The following HMCN2 variants were observed in gnomAD, a reference collection of about 807,000 sequenced individuals.
HMCN2 encodes hemicentin-2.
HMCN2 carries 325 observed loss-of-function variants against 377.5 expected under a neutral mutation model. The observed-to-expected ratio is 0.86, with a 90% CI of 0.79 to 0.94. The LOEUF (loss-of-function observed/expected upper bound fraction) is 0.94, where lower values mean the gene tolerates loss of function less well. Ranked by LOEUF, HMCN2 falls within the 40% of genes least tolerant of loss-of-function variation. HMCN2 has a pLI of 0.00. For synonymous variants in HMCN2, 2,007 were observed against 2,046.8 expected (o/e 0.98, Z 0.53); for missense variants, 4,543 against 4,725.3 (o/e 0.96, Z 1.13).
Position 130,308,101 on chromosome 9 carries a change from C to T in HMCN2, c.2200+535C>T, listed in dbSNP as rs1378866709. Among the ~76,000 whole-genome samples the T allele has an allele frequency of 2.6e-5, 4 of 151,912 alleles. No individual in the cohort carries two copies. Among genetic ancestry groups the T allele is most frequent in the East Asian group, 1.9e-4 (1 of 5,184 alleles). ...CCTCTGGAGTAGCTGGAATTATAGGCGTGTACCACCAGGCCTGGCTCATTT... is the reference window on the plus strand; with the variant it reads ...CCTCTGGAGTAGCTGGAATTATAGGTGTGTACCACCAGGCCTGGCTCATTT... On this transcript the variant is annotated intron_variant, in intron 14 of 97. Transcript: ENST00000683500. The surrounding 1 kb of genome is among the most constrained non-coding windows in gnomAD (Gnocchi z 4.1).
intron 22 of HMCN2, among the ~76,000 whole-genome samples, chr9:130,333,083 G>T (rs991357590): frequency 2.0e-5 from 3 of 152,186 alleles, no homozygotes; most frequent in Admixed American, 6.5e-5. Context: ...GGAGTGTGTG[G>T]CATGGACAGG....
intron 25 of HMCN2, among the ~76,000 whole-genome samples, chr9:130,346,616 G>A (rs1397438410): frequency 3.3e-5 from 5 of 152,148 alleles, no homozygotes; most frequent in African/African-American, 1.2e-4. Flanking sequence ...GCACAACGCA[G>A]GGTGCTGGAG....
intron 54 of HMCN2, among the ~76,000 whole-genome samples, chr9:130,380,009 G>A (rs978869045): frequency 6.6e-6 from 1 of 152,174 alleles, no homozygotes; most frequent in African/African-American, 2.4e-5. Flanking sequence ...CCAAGTAGCT[G>A]GGATTACAGG....
At chr9:130,418,442 G>A (rs1262622223) in intron 85 of HMCN2, among the ~76,000 whole-genome samples, 4 of 152,112 alleles carry the variant, frequency 2.6e-5, no homozygotes, top group Non-Finnish European at 5.9e-5. Flanking sequence ...GCGCTCTTGG[G>A]AGGCTGAGAT....
chr9:130,341,771 C>A, intron 24 of HMCN2, among the ~76,000 whole-genome samples: 1 of 152,206 alleles, frequency 6.6e-6, no homozygotes, highest in East Asian at 1.9e-4. Context: ...TTCTCACCTG[C>A]AAAGTGGGTC....
intron 32 of HMCN2, 128 bp from the exon 33 acceptor site, chr9:130,355,618 G>A: frequency 2.1e-6 from 1 of 486,732 alleles, no homozygotes; most frequent in Non-Finnish European, 3.9e-6. Context: ...CTGGAGGAAG[G>A]GCCACTGATA....
In HMCN2 at chr9:130,433,524, A is replaced by G; in HGVS notation, c.15071A>G (p.Asp5024Gly). Residue 5024 changes from aspartate (D) to glycine (G), a missense_variant, in exon 98 of 98, where the codon GAC becomes GGC. Asp to Gly is a moderately conservative substitution (Grantham distance 94). Around this residue, in one of 5 missense-constraint regions of HMCN2, gnomAD observed 1,155 missense variants for 1,157.7 expected, o/e 1.00. Coordinates refer to ENST00000683500, the MANE Select transcript of HMCN2 (RefSeq NM_001291815.2). ...ACCGAGCTCAGCATGCTGGAGCCCG[A>G]CCCCCGCAGCCCCTTCGCGCTGCGT... Reference protein sequence around the residue: ...NRTELSMLEPDPRSPFALRPL... With the variant: ...NRTELSMLEPGPRSPFALRPL... The G allele has an allele frequency of 6.7e-7, 1 of 1,483,114 alleles. No individual in the cohort carries two copies. Among genetic ancestry groups the G allele is most frequent in the Non-Finnish European group, 8.9e-7 (1 of 1,123,372 alleles). 91.9% of individuals were successfully genotyped at this position (1,483,114 alleles called of 1,614,324 possible).
intron 41 of HMCN2, among the ~76,000 whole-genome samples, chr9:130,365,148 C>A (rs1374266159): frequency 6.6e-6 from 1 of 152,246 alleles, no homozygotes; most frequent in African/African-American, 2.4e-5. Flanking sequence ...TCATTCCCAA[C>A]TCAGAGCACT....
In HMCN2 at chr9:130,371,121, C is replaced by G; in HGVS notation, c.7227C>G (p.Tyr2409Ter). The change falls in exon 46 of 98, where the codon TAC becomes TAG. Residue 2409 changes from tyrosine to a stop codon, truncating the protein, a stop_gained. Transcript: ENST00000683500. LOFTEE classifies it high-confidence loss of function. ...EEPVSPGEDT[Y>*]LLAGGWMLKM... The stretch of plus-strand genomic sequence containing the variant: ...CTGTCAGCCCCGGGGAGGACACCTA[C>G]CTGCTGGCAGGTAAGATACCAGCTA... 5 of 985,900 alleles carry G rather than the reference C, an allele frequency of 5.1e-6. No homozygotes were observed. The highest frequency in any genetic ancestry group is 6.0e-6 in the Non-Finnish European group (5 of 829,990). The allele number at this position is 985,900 out of a possible 1,614,324, so 61.1% of individuals were successfully genotyped here. A position where few individuals can be genotyped will look rare whatever the true frequency, so the allele number is the denominator to read the frequency against.
chr9:130,286,553 G>A (rs529366355), intron 4 of HMCN2, among the ~76,000 whole-genome samples: 113 of 152,344 alleles, frequency 7.4e-4, no homozygotes, highest in African/African-American at 2.5e-3. Context: ...AGGTGCTTCC[G>A]TGTTTCCAGG....
chr9:130,429,930 G>GTCA (rs1488342770), intron 94 of HMCN2: 4 of 705,754 alleles, frequency 5.7e-6, no homozygotes, highest in Non-Finnish European at 8.9e-6. Context: ...ACCCTGTGGG[G>GTCA]TCATCTTCCG....
Position 130,401,006 on chromosome 9 carries a change from AG to A in HMCN2, c.11770+64del. 3.3e-6 allele frequency: 4 copies of A among 1,224,076 alleles called. No homozygotes were observed. The Admixed American group carries it at 1.1e-4, about 34-fold the overall frequency. 75.8% of individuals were successfully genotyped at this position (1,224,076 alleles called of 1,614,324 possible). On this transcript the variant is annotated intron_variant, in intron 77 of 97. Transcript: ENST00000683500. The stretch of plus-strand genomic sequence containing the variant: ...GAGGGGAGACTGGGAGAGCAGGCAG[AG>A]GGGGTGAAAGGTCACATGGCGGAAT...
intron 22 of HMCN2, among the ~76,000 whole-genome samples, chr9:130,335,287 A>G (rs1838684873): frequency 6.6e-6 from 1 of 152,130 alleles, no homozygotes; most frequent in South Asian, 2.1e-4. Context: ...TTCAGCATCA[A>G]ATGGATTTGG....
At chr9:130,384,555 G>A (rs1419801453) in intron 58 of HMCN2, 21 bp downstream of exon 58, 18 of 1,304,160 alleles carry the variant, frequency 1.4e-5, no homozygotes, top group South Asian at 6.2e-5. Flanking sequence ...TGAGGTGTCC[G>A]GCCCAGCTCT....
chr9:130,425,147 T>C lies in HMCN2; in HGVS notation c.13641+17T>C. On this transcript the variant is annotated intron_variant, in intron 89 of 97. Coordinates refer to ENST00000683500, the MANE Select transcript of HMCN2 (RefSeq NM_001291815.2). ...CAAGTGCAGGTCGGGGGTCAAGCCC[T>C]GGGGTGTGCAGACAGGGTAGGTGAG... 2.0e-6 allele frequency: 3 copies of C among 1,538,318 alleles called. No homozygotes were observed. The highest frequency in any genetic ancestry group is 2.6e-6 in the Non-Finnish European group (3 of 1,140,672).
intron 57 of HMCN2, among the ~76,000 whole-genome samples, chr9:130,383,910 GC>G (rs1841871308): frequency 6.6e-6 from 1 of 152,220 alleles, no homozygotes; most frequent in South Asian, 2.1e-4. Context: ...AGCTAGGTTA[GC>G]CCACCCAGCT....
chr9:130,278,959 C>T (rs1452879443), intron 1 of HMCN2, among the ~76,000 whole-genome samples: 3 of 146,824 alleles, frequency 2.0e-5, no homozygotes, highest in South Asian at 2.2e-4. Flanking sequence ...AGTGCAATGG[C>T]GTGATCCTGG....
rs906730877 is a variant in HMCN2 at position 130,431,374 on chromosome 9, C to G, written c.14655C>G (p.Asp4885Glu). The G allele has an allele frequency of 1.3e-6, 2 of 1,549,612 alleles. No individual in the cohort carries two copies. Among genetic ancestry groups the G allele is most frequent in the South Asian group, 1.2e-5 (1 of 83,994 alleles). ...IRQNGVCTDLDECRVRNLCQH... is the reference protein window; with the variant it reads ...IRQNGVCTDLEECRVRNLCQH... The stretch of plus-strand genomic sequence containing the variant: ...CCCCCATGCCCGGGCCAGACCTTGA[C>G]GAGTGCCGCGTGAGGAACCTGTGTC... The change falls in exon 96 of 98, where the codon GAC becomes GAG. Residue 4885 changes from aspartate (D) to glutamate (E), a missense_variant. Around this residue, in one of 5 missense-constraint regions of HMCN2, gnomAD observed 1,155 missense variants for 1,157.7 expected, o/e 1.00. Coordinates refer to ENST00000683500, the MANE Select transcript of HMCN2 (RefSeq NM_001291815.2).
chr9:130,386,801 C>T (rs538750513), intron 61 of HMCN2, among the ~76,000 whole-genome samples: 30 of 152,350 alleles, frequency 2.0e-4, no homozygotes, highest in Admixed American at 5.2e-4. Context: ...TGAGCCACTG[C>T]ACCCAGCTAA....
Sources: allele counts gnomAD v4.1 joint callset (sites outside exome capture counted in the v4.1 genomes callset), GRCh38; gene constraint gnomAD v4.1.1; regional missense constraint gnomAD v4.1.1; non-coding constraint Gnocchi (gnomAD v3.1); transcripts MANE v1.5; gene names NCBI Gene and HGNC (gene_info 2026-07-23, HGNC 2026-07-21).